PLEKHM3: variants seen among roughly 807,000 people sequenced by gnomAD.
The protein encoded by PLEKHM3 is pleckstrin homology domain containing M3.
In PLEKHM3, 45 loss-of-function variants were observed where a neutral mutation model predicts 81.8. That is an observed-to-expected ratio of 0.55 (90% confidence interval 0.43 to 0.71). The LOEUF is 0.71. PLEKHM3 is among the 30% of genes least tolerant of loss of function. PLEKHM3 has a pLI of 0.00. For synonymous variants in PLEKHM3, 352 were observed against 356.4 expected (o/e 0.99, Z 0.14); for missense variants, 788 against 924.3 (o/e 0.85, Z 1.91).
Position 208,001,229 on chromosome 2 carries a change from C to T in PLEKHM3, c.411G>A (p.Leu137=). ...CTGGCTTGAAAGTTGAGGTCTCATC[C>T]AGTAAGTCATTTACAGAACGAGGCC... ...RDRPRSVNDL[L]DETSTFKPGH... is the part of the protein sequence containing the mutation. Residue 137 remains leucine (L), a synonymous_variant, in exon 2 of 8, where the codon CTG becomes CTA. Transcript: ENST00000427836. The T allele has an allele frequency of 6.2e-7, 1 of 1,614,128 alleles. No homozygotes were observed. The highest frequency in any genetic ancestry group is 8.5e-7 in the Non-Finnish European group (1 of 1,180,010).
chr2:207,961,720 A>G (rs910399630), intron 3 of PLEKHM3, among the ~76,000 whole-genome samples: 8 of 152,170 alleles, frequency 5.3e-5, no homozygotes, highest in African/African-American at 1.9e-4. Flanking sequence ...AGGGCTGCAG[A>G]CAAGCTGAGC....
chr2:207,996,150 G>C (rs1399251814), intron 2 of PLEKHM3, among the ~76,000 whole-genome samples: 2 of 152,156 alleles, frequency 1.3e-5, no homozygotes, highest in Non-Finnish European at 2.9e-5. Flanking sequence ...AACGTTAGGG[G>C]CACTTTATAA....
intron 7 of PLEKHM3, among the ~76,000 whole-genome samples, chr2:207,834,125 T>C (rs1050419434): frequency 1.0e-5 from 1 of 96,502 alleles, no homozygotes; most frequent in African/African-American, 4.8e-5. Flanking sequence ...CTGATTTTTC[T>C]CTTTCTTTTT....
chr2:208,003,358 T>C (rs962922124), intron 1 of PLEKHM3, among the ~76,000 whole-genome samples: 2 of 152,318 alleles, frequency 1.3e-5, no homozygotes, highest in Non-Finnish European at 2.9e-5. Flanking sequence ...ATCGCAAAGG[T>C]AGATAGATGT....
At chr2:207,884,752 A>G (rs1044583871) in intron 6 of PLEKHM3, among the ~76,000 whole-genome samples, 1 of 152,204 alleles carries the variant, frequency 6.6e-6, no homozygotes, top group African/African-American at 2.4e-5. Context: ...TTAAATATGT[A>G]TTGAAAATAT....
intron 3 of PLEKHM3, among the ~76,000 whole-genome samples, chr2:207,964,669 T>C (rs1420078809): frequency 1.3e-5 from 2 of 152,146 alleles, no homozygotes; most frequent in East Asian, 1.9e-4. Context: ...ACGAACATGG[T>C]CAAACATCAG....
intron 1 of PLEKHM3, among the ~76,000 whole-genome samples, chr2:208,005,795 A>G (rs1197325950): frequency 6.6e-6 from 1 of 152,232 alleles, no homozygotes; most frequent in East Asian, 1.9e-4. Context: ...AATACATGGA[A>G]TAGTGTTTGG....
intron 5 of PLEKHM3, among the ~76,000 whole-genome samples, chr2:207,909,452 C>T (rs1044839043): frequency 6.6e-6 from 1 of 152,192 alleles, no homozygotes; most frequent in Non-Finnish European, 1.5e-5. Flanking sequence ...CCAATTTATC[C>T]AATTCACATT....
intron 4 of PLEKHM3, among the ~76,000 whole-genome samples, chr2:207,942,305 C>T (rs1359902964): frequency 1.3e-5 from 2 of 151,676 alleles, no homozygotes; most frequent in Non-Finnish European, 2.9e-5. Flanking sequence ...CTCAGGAGTT[C>T]GAGGCCAGCC....
intron 3 of PLEKHM3, among the ~76,000 whole-genome samples, chr2:207,950,546 C>T (rs1690294942): frequency 6.6e-6 from 1 of 152,076 alleles, no homozygotes; most frequent in African/African-American, 2.4e-5. Flanking sequence ...CAGAAATCTG[C>T]ATTTCTAATG....
intron 3 of PLEKHM3, among the ~76,000 whole-genome samples, chr2:207,958,140 A>G (rs1398365568): frequency 6.6e-6 from 1 of 152,222 alleles, no homozygotes; most frequent in Non-Finnish European, 1.5e-5. Context: ...TGGATATACC[A>G]TCTATTACGG....
chr2:207,854,014 A>G (rs2092426164), intron 7 of PLEKHM3, among the ~76,000 whole-genome samples: 1 of 151,932 alleles, frequency 6.6e-6, no homozygotes, highest in South Asian at 2.1e-4. Context: ...CAAGTGATCC[A>G]AGTGATCCTG....
chr2:207,935,293 C>A (rs1297342842), intron 4 of PLEKHM3, among the ~76,000 whole-genome samples: 2 of 152,180 alleles, frequency 1.3e-5, no homozygotes, highest in African/African-American at 4.8e-5. Flanking sequence ...CTTAACCCAG[C>A]CACTTCTCAA....
intron 6 of PLEKHM3, among the ~76,000 whole-genome samples, chr2:207,896,097 T>C (rs1031724453): frequency 6.6e-6 from 1 of 152,182 alleles, no homozygotes; most frequent in Non-Finnish European, 1.5e-5. Context: ...AGAAAGCAGA[T>C]ACACGCAGAA....
intron 1 of PLEKHM3, among the ~76,000 whole-genome samples, chr2:208,016,405 G>T (rs1217672602): frequency 6.6e-6 from 1 of 151,782 alleles, no homozygotes; most frequent in Non-Finnish European, 1.5e-5. Context: ...AGCACTTTGG[G>T]GGGAGATGGT....
In PLEKHM3 at chr2:207,962,288, C is replaced by T. The variant is rs568281357; in HGVS notation, c.1546+14363G>A. 1.6e-4 allele frequency among the ~76,000 whole-genome samples: 24 copies of T among 152,246 alleles called. No individual in the cohort carries two copies. In the South Asian group the frequency reaches 4.8e-3, roughly 30 times the overall value. ...AATCCATCATACCTACATAATGAAG[C>T]CCCAGTAAAAACTCAGGACACTGAA... is the stretch of plus-strand genomic sequence containing the variant. On this transcript the variant is annotated intron_variant, in intron 3 of 7. Coordinates refer to ENST00000427836, the MANE Select transcript of PLEKHM3 (RefSeq NM_001080475.3).
At chr2:207,838,439 C>T (rs1198624268) in intron 7 of PLEKHM3, among the ~76,000 whole-genome samples, 1 of 152,182 alleles carries the variant, frequency 6.6e-6, no homozygotes, top group Non-Finnish European at 1.5e-5. Context: ...TTACTTAAAT[C>T]TTGGCTTTAA....
chr2:207,913,150 T>A (rs1283783028), intron 5 of PLEKHM3, among the ~76,000 whole-genome samples: 1 of 151,870 alleles, frequency 6.6e-6, no homozygotes, highest in Non-Finnish European at 1.5e-5. Flanking sequence ...GGAGTTGTCT[T>A]GGTGGGGGAA....
Position 207,865,801 on chromosome 2 carries a change from A to AAAAAAAAAAAATAT in PLEKHM3, c.1951-4540_1951-4539insATATTTTTTTTTTT. On this transcript the variant is annotated intron_variant, in intron 6 of 7. Transcript: ENST00000427836. The stretch of plus-strand genomic sequence containing the variant: ...CGACTCAAAAAAAAAAAAAAAAAAA[A>AAAAAAAAAAAATAT]AGATATATATATATATATATATATA... Among the ~76,000 whole-genome samples the AAAAAAAAAAAATAT allele has an allele frequency of 2.8e-4, 7 of 25,288 alleles. 1 individual carries two copies. The highest frequency in any genetic ancestry group is 1.0e-3 in the African/African-American group (5 of 4,794). 16.6% of individuals were successfully genotyped at this position (25,288 alleles called of 152,430 possible). A position where few individuals can be genotyped will look rare whatever the true frequency, so the allele number is the denominator to read the frequency against.
Sources: gnomAD v4.1 joint callset for allele counts (sites outside exome capture counted in the v4.1 genomes callset) on GRCh38, gnomAD v4.1.1 for gene constraint, MANE v1.5 for transcripts, NCBI Gene and HGNC (gene_info 2026-07-23, HGNC 2026-07-21) for gene names.